RAB38: variants seen among roughly 807,000 people sequenced by gnomAD.
The protein encoded by RAB38 is RAB38, member RAS oncogene family, also known as ras-related protein Rab-38.
RAB38 carries 15 observed loss-of-function variants against 18.4 expected under a neutral mutation model. The observed-to-expected ratio is 0.82, with a 90% confidence interval of 0.55 to 1.26. RAB38 has a LOEUF of 1.26. RAB38 is among the 50% of genes most tolerant of loss of function. RAB38 has a pLI of 0.00. For missense variants in RAB38, 294 were observed against 267.4 expected, an observed-to-expected ratio of 1.10 and a Z score of -0.69; for synonymous variants, 101 against 104.4, an observed-to-expected ratio of 0.97 and a Z score of 0.20.
intron 1 of RAB38, among the ~76,000 whole-genome samples, chr11:88,172,693 T>G (rs1246048108): frequency 2.0e-5 from 3 of 152,198 alleles, no homozygotes; most frequent in Admixed American, 1.3e-4. Flanking sequence ...CCTGGCTGAC[T>G]GGAGTCTGGG....
At chr11:88,066,234 A>C in the RAB38 span, among the ~76,000 whole-genome samples, 1 of 152,174 alleles carries the variant, frequency 6.6e-6, no homozygotes, top group Non-Finnish European at 1.5e-5. Flanking sequence ...CAGAGGACTT[A>C]TTGAGGTACT....
chr11:88,067,196 T>G, the RAB38 span, among the ~76,000 whole-genome samples: 1 of 152,098 alleles, frequency 6.6e-6, no homozygotes, highest in East Asian at 1.9e-4. Flanking sequence ...ATTAAGAAGG[T>G]AAAGAGGAAG....
rs191837565 is a variant in RAB38 at position 88,141,692 on chromosome 11, T to C, written c.483+7983A>G. Among the ~76,000 whole-genome samples, 90 of 152,276 alleles carry C rather than the reference T, an allele frequency of 5.9e-4. 1 individual carries two copies. Among genetic ancestry groups the C allele is most frequent in the Admixed American group, 2.0e-3 (30 of 15,294 alleles). On this transcript the variant is annotated intron_variant, in intron 2 of 2. Transcript: ENST00000243662. ...ACATGGTTTGACATACCGCAAAGCT[T>C]TGCTCTCTGTTTCCCCTCCACCTTA...
intron 2 of RAB38, among the ~76,000 whole-genome samples, chr11:88,131,648 G>A (rs1339927707): frequency 6.6e-6 from 1 of 152,164 alleles, no homozygotes; most frequent in African/African-American, 2.4e-5. Flanking sequence ...AGAGTTAGTT[G>A]TTACACACCT....
At chr11:87,934,486 G>A in the RAB38 span, among the ~76,000 whole-genome samples, 1 of 152,040 alleles carries the variant, frequency 6.6e-6, no homozygotes, top group African/African-American at 2.4e-5. Context: ...ATACCTAGTG[G>A]CAAAAAGTTG....
chr11:87,977,986 TC>T, the RAB38 span, among the ~76,000 whole-genome samples: 4 of 105,364 alleles, frequency 3.8e-5, 1 homozygote, highest in Admixed American at 2.5e-4. Flanking sequence ...TAAATACATA[TC>T]TTATAAACTA....
At chr11:88,072,140 A>G in the RAB38 span, among the ~76,000 whole-genome samples, 2 of 152,246 alleles carry the variant, frequency 1.3e-5, no homozygotes, top group African/African-American at 4.8e-5. Context: ...TATGCTGGAA[A>G]TACCAGACAG....
chr11:87,850,747 T>C, the RAB38 span, among the ~76,000 whole-genome samples: 129 of 92,596 alleles, frequency 1.4e-3, no homozygotes, highest in African/African-American at 1.7e-3. Context: ...CACACACACA[T>C]ACACACACAC....
chr11:87,878,258 CTATCTATCTATCTATCT>C, the RAB38 span, among the ~76,000 whole-genome samples: 396 of 115,466 alleles, frequency 3.4e-3, 5 homozygotes, highest in Non-Finnish European at 4.8e-3. Context: ...TATCATCTAT[CTATCTATCTATCTATCT>C]ATCTATCTAT....
chr11:88,031,750 A>C, the RAB38 span, among the ~76,000 whole-genome samples: 1 of 152,088 alleles, frequency 6.6e-6, no homozygotes, highest in Admixed American at 6.5e-5. Flanking sequence ...AAATGGAAGA[A>C]CATTCCATGC....
chr11:88,139,410 G>A (rs1942878239), intron 2 of RAB38, among the ~76,000 whole-genome samples: 1 of 152,118 alleles, frequency 6.6e-6, no homozygotes, highest in South Asian at 2.1e-4. Context: ...TTTTTCTTCA[G>A]CTGCTCTCAC....
the RAB38 span, among the ~76,000 whole-genome samples, chr11:88,006,088 C>T: frequency 6.6e-6 from 1 of 150,958 alleles, no homozygotes; most frequent in Non-Finnish European, 1.5e-5. Context: ...AGCTCAACAA[C>T]AAAACATTCA....
At chr11:87,856,457 G>A in the RAB38 span, among the ~76,000 whole-genome samples, 1 of 152,036 alleles carries the variant, frequency 6.6e-6, no homozygotes, top group African/African-American at 2.4e-5. Context: ...ATTTATTAAC[G>A]TAAGCCACAA....
At chr11:88,118,734 C>A (rs536548475) in intron 2 of RAB38, among the ~76,000 whole-genome samples, 1 of 152,142 alleles carries the variant, frequency 6.6e-6, no homozygotes, top group Non-Finnish European at 1.5e-5. Flanking sequence ...TAAGGTAATG[C>A]GTGTTCTTCT....
At chr11:88,060,855 T>G in the RAB38 span, among the ~76,000 whole-genome samples, 2 of 152,180 alleles carry the variant, frequency 1.3e-5, no homozygotes, top group African/African-American at 4.8e-5. Flanking sequence ...AGCTATCTGT[T>G]CCAAAAAGTT....
chr11:88,117,799 T>C (rs917261018), intron 2 of RAB38, among the ~76,000 whole-genome samples: 6 of 152,204 alleles, frequency 3.9e-5, no homozygotes, highest in Admixed American at 6.5e-5. Flanking sequence ...TCACAAATGA[T>C]TGTAAGTTAA....
chr11:87,953,576 ATTATT>A, the RAB38 span, among the ~76,000 whole-genome samples: 3 of 152,040 alleles, frequency 2.0e-5, no homozygotes, highest in East Asian at 5.8e-4. Context: ...TGTTTACATT[ATTATT>A]ATTTATTGTT....
At chr11:88,171,161 G>A (rs1214162582) in intron 1 of RAB38, among the ~76,000 whole-genome samples, 2 of 152,188 alleles carry the variant, frequency 1.3e-5, no homozygotes, top group Non-Finnish European at 2.9e-5. Context: ...TTTATTATGT[G>A]TCAGGCACAG....
At chr11:88,116,171 C>G (rs376680412) in intron 2 of RAB38, among the ~76,000 whole-genome samples, 2 of 152,174 alleles carry the variant, frequency 1.3e-5, no homozygotes, top group African/African-American at 2.4e-5. Context: ...CTTTTTGGAA[C>G]GGACCCAGCT....
Sources: gnomAD v4.1 joint callset for allele counts (sites outside exome capture counted in the v4.1 genomes callset) on GRCh38, gnomAD v4.1.1 for gene constraint, MANE v1.5 for transcripts, NCBI Gene and HGNC (gene_info 2026-07-23, HGNC 2026-07-21) for gene names.